The following FGD4 variants were observed in gnomAD, a reference collection of about 807,000 sequenced individuals.
The protein encoded by FGD4 is FYVE, RhoGEF and PH domain containing 4.
A neutral mutation model predicts 102.0 loss-of-function variants in FGD4; 42 were observed. That is an observed-to-expected ratio of 0.41 (90% CI 0.32 to 0.53). The LOEUF is 0.53. Among genes scored for constraint, FGD4 ranks in the 20% least tolerant of loss-of-function variants. FGD4 has a pLI of 0.21. For synonymous variants in FGD4, 380 were observed against 375.7 expected (o/e 1.01, Z -0.13); for missense variants, 902 against 1,078.2 (o/e 0.84, Z 2.29).
At chr12:32,575,020 T>C (rs1444117163) in intron 2 of FGD4, among the ~76,000 whole-genome samples, 2 of 152,334 alleles carry the variant, frequency 1.3e-5, no homozygotes, top group Middle Eastern at 3.4e-3. Context: ...GTAATTTCTT[T>C]ACTGATTGTG....
At chr12:32,526,650 T>G (rs983931755) in intron 1 of FGD4, among the ~76,000 whole-genome samples, 4 of 152,214 alleles carry the variant, frequency 2.6e-5, no homozygotes, top group Non-Finnish European at 5.9e-5. Context: ...CCTTCCACAC[T>G]GTGGGAGCTT....
chr12:32,580,130 C>T (rs1337563775), intron 3 of FGD4, among the ~76,000 whole-genome samples: 3 of 152,170 alleles, frequency 2.0e-5, no homozygotes, highest in African/African-American at 4.8e-5. Context: ...TACATCATAA[C>T]TTGGGGTGAA....
chr12:32,615,018 G>A (rs970296034), intron 10 of FGD4, among the ~76,000 whole-genome samples: 25 of 152,308 alleles, frequency 1.6e-4, no homozygotes, highest in African/African-American at 5.8e-4. Context: ...ACAAAAACTT[G>A]CACATCTTTG....
intron 1 of FGD4, among the ~76,000 whole-genome samples, chr12:32,434,560 A>C (rs1942162095): frequency 6.6e-6 from 1 of 152,228 alleles, no homozygotes. Context: ...GAAAGCCTTA[A>C]TTACACTGTA....
At chr12:32,442,928 T>C (rs1279768136) in intron 1 of FGD4, among the ~76,000 whole-genome samples, 1 of 152,210 alleles carries the variant, frequency 6.6e-6, no homozygotes, top group Non-Finnish European at 1.5e-5. Flanking sequence ...TTTGTGTTTC[T>C]CTGATTAATG....
At chr12:32,427,661 G>T (rs1383429540) in intron 1 of FGD4, among the ~76,000 whole-genome samples, 1 of 152,138 alleles carries the variant, frequency 6.6e-6, no homozygotes, top group Non-Finnish European at 1.5e-5. Flanking sequence ...TGACAGTGGG[G>T]TGTTAAAGTC....
At chr12:32,546,835 G>A (rs1339186286) in intron 1 of FGD4, among the ~76,000 whole-genome samples, 1 of 152,206 alleles carries the variant, frequency 6.6e-6, no homozygotes, top group African/African-American at 2.4e-5. Context: ...GGAGTGTGCA[G>A]AGCTGAAGAG....
At chr12:32,577,911 G>T (rs1243370842) in intron 3 of FGD4, among the ~76,000 whole-genome samples, 1 of 152,110 alleles carries the variant, frequency 6.6e-6, no homozygotes, top group African/African-American at 2.4e-5. Context: ...TAGATTTCAG[G>T]GATAACTCTC....
At chr12:32,536,227 G>A (rs961788671) in intron 1 of FGD4, among the ~76,000 whole-genome samples, 2 of 152,122 alleles carry the variant, frequency 1.3e-5, no homozygotes, top group African/African-American at 4.8e-5. Context: ...TTGGAAGAAT[G>A]ATAACTTGGT....
intron 1 of FGD4, among the ~76,000 whole-genome samples, chr12:32,415,396 G>A (rs989294678): frequency 6.3e-5 from 9 of 142,412 alleles, no homozygotes; most frequent in Non-Finnish European, 1.1e-4. Context: ...AGCTATTACT[G>A]TATTGGGATC....
intron 1 of FGD4, among the ~76,000 whole-genome samples, chr12:32,520,536 C>G (rs909634684): frequency 6.6e-6 from 1 of 150,812 alleles, no homozygotes; most frequent in Non-Finnish European, 1.5e-5. Context: ...CCCGGTTTCA[C>G]GCCATTCTCC....
chr12:32,549,121 T>A (rs1430465251), intron 1 of FGD4, among the ~76,000 whole-genome samples: 1 of 152,234 alleles, frequency 6.6e-6, no homozygotes, highest in Non-Finnish European at 1.5e-5. Context: ...TAAGCAGGTT[T>A]TTTTCTATTG....
At chr12:32,441,378 T>C (rs1442467197) in intron 1 of FGD4, among the ~76,000 whole-genome samples, 1 of 152,034 alleles carries the variant, frequency 6.6e-6, no homozygotes, top group Non-Finnish European at 1.5e-5. Flanking sequence ...CTGCCAGGAC[T>C]GGGTCCTTTC....
At chr12:32,456,428 T>C (rs979888911) in intron 1 of FGD4, among the ~76,000 whole-genome samples, 4 of 152,172 alleles carry the variant, frequency 2.6e-5, no homozygotes, top group African/African-American at 9.7e-5. Context: ...GTAATTTCTA[T>C]TTAGTGGCTC....
At chr12:32,413,062 G>A (rs1941270544) in intron 1 of FGD4, among the ~76,000 whole-genome samples, 1 of 151,174 alleles carries the variant, frequency 6.6e-6, no homozygotes, top group Admixed American at 6.6e-5. Context: ...GGGTGACAGA[G>A]TAAGACTCTG....
intron 2 of FGD4, among the ~76,000 whole-genome samples, chr12:32,573,761 A>G (rs1358664749): frequency 6.6e-6 from 1 of 152,206 alleles, no homozygotes; most frequent in Non-Finnish European, 1.5e-5. Flanking sequence ...CTTCTAAAAT[A>G]CCTGTGTACC....
intron 1 of FGD4, among the ~76,000 whole-genome samples, chr12:32,464,037 T>G (rs1327685269): frequency 6.6e-6 from 1 of 152,220 alleles, no homozygotes; most frequent in East Asian, 1.9e-4. Flanking sequence ...GAAATATTCT[T>G]TAAAATTCTG....
chr12:32,449,713 A>G (rs1011983401), intron 1 of FGD4, among the ~76,000 whole-genome samples: 1 of 152,020 alleles, frequency 6.6e-6, no homozygotes, highest in Non-Finnish European at 1.5e-5. Context: ...TGGGGAAGTA[A>G]CTTTAAGACT....
chr12:32,482,926 A>G (rs190863779), intron 1 of FGD4, among the ~76,000 whole-genome samples: 230 of 152,306 alleles, frequency 1.5e-3, no homozygotes, highest in African/African-American at 5.3e-3. Context: ...TGATGTATAG[A>G]TGTTCTCAGT....
Sources: allele counts gnomAD v4.1 joint callset (sites outside exome capture counted in the v4.1 genomes callset), GRCh38; gene constraint gnomAD v4.1.1; transcripts MANE v1.5; gene names NCBI Gene and HGNC (gene_info 2026-07-23, HGNC 2026-07-21).